Variants in STRN observed in about 807,000 individuals in gnomAD.
STRN encodes protein phosphatase 2 regulatory subunit B'''alpha.
In STRN, 53 loss-of-function variants were observed where a neutral mutation model predicts 96.3. That is an observed-to-expected ratio of 0.55 (90% CI 0.44 to 0.69). The LOEUF (loss-of-function observed/expected upper bound fraction) is 0.69. STRN is among the 30% of genes least tolerant of loss of function. The pLI is 0.00. For missense variants in STRN, 987 were observed against 963.9 expected, an observed-to-expected ratio of 1.02 and a Z score of -0.32; for synonymous variants, 428 against 355.9, an observed-to-expected ratio of 1.20 and a Z score of -2.28.
chr2:36,937,342 CAAAAAA>C (rs59891421), intron 1 of STRN, among the ~76,000 whole-genome samples: 1 of 107,692 alleles, frequency 9.3e-6, no homozygotes. Flanking sequence ...GAGACTGTCT[CAAAAAA>C]AAAAAAAAAA....
At chr2:36,940,116 A>C (rs1441311447) in intron 1 of STRN, among the ~76,000 whole-genome samples, 1 of 152,260 alleles carries the variant, frequency 6.6e-6, no homozygotes, top group African/African-American at 2.4e-5. Flanking sequence ...TTCTTGTAGA[A>C]ATAGTATAAC....
intron 1 of STRN, among the ~76,000 whole-genome samples, chr2:36,936,935 G>C (rs1044922468): frequency 3.3e-5 from 5 of 152,104 alleles, no homozygotes; most frequent in Non-Finnish European, 5.9e-5. Flanking sequence ...TACATATTTA[G>C]GTTTGGAATA....
intron 1 of STRN, among the ~76,000 whole-genome samples, chr2:36,926,356 C>T (rs1450010944): frequency 6.6e-6 from 1 of 152,170 alleles, no homozygotes; most frequent in Non-Finnish European, 1.5e-5. Flanking sequence ...TCAAAACTAG[C>T]TATAAATTTC....
At chr2:36,953,687 C>T (rs1019919764) in intron 1 of STRN, among the ~76,000 whole-genome samples, 2 of 152,188 alleles carry the variant, frequency 1.3e-5, no homozygotes, top group African/African-American at 4.8e-5. Flanking sequence ...CAGGCGTGAG[C>T]CACCGTGCCA....
In STRN at chr2:36,909,631, G is replaced by A. The variant is rs187859270; in HGVS notation, c.413-4013C>T. 2.9e-3 allele frequency among the ~76,000 whole-genome samples: 436 copies of A among 152,022 alleles called. 2 individuals are homozygous for A. Among genetic ancestry groups the A allele is most frequent in the Admixed American group, 4.5e-3 (68 of 15,260 alleles). On this transcript the variant is annotated intron_variant, in intron 3 of 17. Coordinates refer to ENST00000263918, the MANE Select transcript of STRN (RefSeq NM_003162.4). ...AAAAACAGTATTTGAAGAAATAATGGCTGAAAAGTGCCAAATTCCATGAAA... is the reference window on the plus strand; with the variant it reads ...AAAAACAGTATTTGAAGAAATAATGACTGAAAAGTGCCAAATTCCATGAAA...
intron 5 of STRN, 42 bp downstream of exon 5, chr2:36,902,542 G>C: frequency 6.6e-7 from 1 of 1,520,960 alleles, no homozygotes. Context: ...TATTTAATAA[G>C]AACTAATAAT....
chr2:36,843,922 C>T lies in STRN; in HGVS notation c.*5534G>A, dbSNP rs1668004651. 1 of 152,138 alleles carries T rather than the reference C, an allele frequency of 6.6e-6. No homozygotes were observed. The highest frequency in any genetic ancestry group is 1.5e-5 in the Non-Finnish European group (1 of 68,012). The allele number at this position is 152,138 out of a possible 1,614,324, so 9.4% of individuals were successfully genotyped here. ...AAACTTCTTGCACCACAAAAATTAGCATTTGGATTAATTTACATTAATTGA... is the reference window on the plus strand; with the variant it reads ...AAACTTCTTGCACCACAAAAATTAGTATTTGGATTAATTTACATTAATTGA... On this transcript the variant is annotated 3_prime_UTR_variant, in exon 18 of 18. Transcript: ENST00000263918.
At chr2:36,939,198 T>C (rs1172628765) in intron 1 of STRN, among the ~76,000 whole-genome samples, 1 of 152,132 alleles carries the variant, frequency 6.6e-6, no homozygotes, top group African/African-American at 2.4e-5. Context: ...CCCAAAGTGC[T>C]AGGATTACAG....
intron 1 of STRN, among the ~76,000 whole-genome samples, chr2:36,955,360 A>C (rs1454833287): frequency 2.0e-5 from 3 of 152,252 alleles, no homozygotes; most frequent in African/African-American, 7.2e-5. Flanking sequence ...TCTTAGTCTA[A>C]TGAAGAAAGA....
intron 4 of STRN, among the ~76,000 whole-genome samples, chr2:36,903,119 T>C (rs1018500569): frequency 3.3e-5 from 5 of 152,260 alleles, no homozygotes; most frequent in Non-Finnish European, 7.3e-5. Flanking sequence ...AAATTTGTCA[T>C]GGATCAACTG....
Position 36,843,371 on chromosome 2 carries a change from G to C in STRN, c.*6085C>G, listed in dbSNP as rs771803137. The stretch of plus-strand genomic sequence containing the variant: ...TAATGTTGATTTGAAGGGGCAGGGA[G>C]TGTGGAAGGCTTGTGTATGTCTGTT... On this transcript the variant is annotated 3_prime_UTR_variant, in exon 18 of 18. Coordinates refer to ENST00000263918, the MANE Select transcript of STRN (RefSeq NM_003162.4). Among the ~76,000 whole-genome samples, 2 of 152,118 alleles carry C rather than the reference G, an allele frequency of 1.3e-5. No homozygotes were observed. The highest frequency in any genetic ancestry group is 2.4e-5 in the African/African-American group (1 of 41,436).
intron 1 of STRN, among the ~76,000 whole-genome samples, chr2:36,965,203 T>C (rs540504021): frequency 2.8e-4 from 42 of 152,380 alleles, no homozygotes; most frequent in African/African-American, 9.1e-4. Flanking sequence ...ACTAAAACTA[T>C]ACTCAAATTT....
intron 1 of STRN, among the ~76,000 whole-genome samples, chr2:36,944,413 T>C (rs577690955): frequency 6.6e-6 from 1 of 152,292 alleles, no homozygotes; most frequent in Admixed American, 6.5e-5. Context: ...ATTGAAGTTT[T>C]TGCGCACACA....
intron 1 of STRN, among the ~76,000 whole-genome samples, chr2:36,932,012 G>A (rs1309874306): frequency 6.6e-6 from 1 of 152,020 alleles, no homozygotes; most frequent in Non-Finnish European, 1.5e-5. Context: ...GTAGAGACAG[G>A]GTCTTGCTAT....
intron 13 of STRN, 133 bp downstream of exon 13, chr2:36,860,999 T>C: frequency 9.0e-7 from 1 of 1,109,506 alleles, no homozygotes; most frequent in Non-Finnish European, 1.2e-6. Context: ...AAGTCCTTTT[T>C]AACAAAATAA....
intron 1 of STRN, among the ~76,000 whole-genome samples, chr2:36,926,313 G>T (rs1670408012): frequency 6.6e-6 from 1 of 152,146 alleles, no homozygotes; most frequent in Non-Finnish European, 1.5e-5. Flanking sequence ...TTGTTAAAGT[G>T]ACTCATAATA....
intron 13 of STRN, among the ~76,000 whole-genome samples, chr2:36,858,759 A>G (rs1002641860): frequency 6.6e-6 from 1 of 152,262 alleles, no homozygotes. Flanking sequence ...CACACATACC[A>G]TAAAATATTG....
chr2:36,901,019 T>C (rs562157593), intron 5 of STRN, among the ~76,000 whole-genome samples: 1 of 151,732 alleles, frequency 6.6e-6, no homozygotes, highest in Admixed American at 6.6e-5. Flanking sequence ...AAAAAAAAAT[T>C]GTAGAAACTA....
chr2:36,953,316 C>T (rs1305975451), intron 1 of STRN, among the ~76,000 whole-genome samples: 2 of 152,098 alleles, frequency 1.3e-5, no homozygotes, highest in African/African-American at 2.4e-5. Flanking sequence ...CATACTGCTT[C>T]CAGTCAATTC....
Sources: allele counts gnomAD v4.1 joint callset (sites outside exome capture counted in the v4.1 genomes callset), GRCh38; gene constraint gnomAD v4.1.1; transcripts MANE v1.5; gene names NCBI Gene and HGNC (gene_info 2026-07-23, HGNC 2026-07-21).